Variants in ABCC2 observed in about 807,000 individuals in gnomAD.
The protein encoded by ABCC2 is ATP-binding cassette sub-family C member 2.
Under a neutral mutation model 173.4 loss-of-function variants are expected in ABCC2, and 157 were observed. The ratio of observed to expected loss-of-function variants is 0.91; its 90% confidence interval spans 0.80 to 1.03. The LOEUF is 1.03. Among genes scored for constraint, ABCC2 ranks in the 50% least tolerant of loss-of-function variants. The pLI, the probability that ABCC2 is intolerant of heterozygous loss-of-function variation, is 0.00. For synonymous variants in ABCC2, 657 were observed against 693.5 expected, an observed-to-expected ratio of 0.95 and a Z score of 0.83; for missense variants, 1,822 against 1,852.3, an observed-to-expected ratio of 0.98 and a Z score of 0.30.
At chr10:99,822,320 T>G (rs1469564532) in intron 19 of ABCC2, among the ~76,000 whole-genome samples, 2 of 151,840 alleles carry the variant, frequency 1.3e-5, no homozygotes, top group African/African-American at 4.9e-5. Flanking sequence ...GTCAGCTTCT[T>G]TAGTTGTGCC....
At chr10:99,790,198 TG>T (rs1377336049) in intron 2 of ABCC2, among the ~76,000 whole-genome samples, 1 of 152,222 alleles carries the variant, frequency 6.6e-6, no homozygotes, top group Non-Finnish European at 1.5e-5. Flanking sequence ...AGGCTTTCCT[TG>T]GTCTCATCAA....
At chr10:99,847,947 TTTG>T (rs2039041722) in intron 30 of ABCC2, among the ~76,000 whole-genome samples, 1 of 151,190 alleles carries the variant, frequency 6.6e-6, no homozygotes, top group Non-Finnish European at 1.5e-5. Context: ...ACAAAAAACC[TTTG>T]TTATTAAGTG....
chr10:99,792,324 C>T lies in ABCC2; in HGVS notation c.298C>T (p.Arg100Ter), dbSNP rs529588584. The T allele has an allele frequency of 2.7e-5, 44 of 1,614,072 alleles. No homozygotes were observed. The highest frequency in any genetic ancestry group is 2.7e-4 in the East Asian group (12 of 44,878). ...DSGQATVPAV[R>*]YTNPSLYLGT... ...TGGACAAGCCACAGTCCCTGCTGTT[C>T]GATATACCAATCCAAGCCTCTACCT... is the stretch of plus-strand genomic sequence containing the variant. The change falls in exon 3 of 32, where the codon CGA (arginine) becomes TGA (stop). Residue 100 changes from arginine (R) to a stop codon, truncating the protein, a stop_gained. Transcript: ENST00000647814. LOFTEE classifies it high-confidence loss of function.
Position 99,832,150 on chromosome 10 carries a change from G to C in ABCC2, c.3258+19G>C, listed in dbSNP as rs761032625. The C allele has an allele frequency of 1.9e-6, 3 of 1,614,112 alleles. No individual in the cohort carries two copies. The highest frequency in any genetic ancestry group is 3.3e-5 in the Admixed American group (2 of 60,020). On this transcript the variant is annotated intron_variant, in intron 23 of 31. Transcript: ENST00000647814. Reference sequence around the variant, plus strand: ...TGCCGGCGTAAGTATCTCAAGAACTGTCAGGTGGTGTGTTTATATACTGAG... The same window carrying C: ...TGCCGGCGTAAGTATCTCAAGAACTCTCAGGTGGTGTGTTTATATACTGAG...
At chr10:99,814,279 ATG>A (rs1191240307) in intron 16 of ABCC2, among the ~76,000 whole-genome samples, 3 of 72,440 alleles carry the variant, frequency 4.1e-5, no homozygotes, top group African/African-American at 2.2e-4. Flanking sequence ...ATACACACGT[ATG>A]TATACACACA....
intron 31 of ABCC2, 35 bp downstream of exon 31, chr10:99,850,831 C>A (rs1364002730): frequency 6.2e-7 from 1 of 1,611,234 alleles, no homozygotes; most frequent in African/African-American, 1.3e-5. Context: ...ACACGGATGG[C>A]TTAACCCTTG....
intron 2 of ABCC2, chr10:99,789,393 A>T (rs2037773445): frequency 6.6e-6 from 1 of 152,166 alleles, no homozygotes; most frequent in Non-Finnish European, 1.5e-5. Context: ...TTTGGAGACA[A>T]GCTGGACTCA....
intron 20 of ABCC2, 69 bp from the exon 21 acceptor site, chr10:99,830,647 C>G: frequency 6.2e-7 from 1 of 1,609,138 alleles, no homozygotes; most frequent in Non-Finnish European, 8.5e-7. Context: ...AGCTGAGTGA[C>G]TGTGACATCT....
At chr10:99,794,687 G>A (rs1329096571) in intron 6 of ABCC2, 3 of 511,854 alleles carry the variant, frequency 5.9e-6, no homozygotes, top group Non-Finnish European at 1.1e-5. Context: ...TGGGATTACA[G>A]GTGTGAGCTA....
rs1462147865 is a variant in ABCC2 at position 99,814,604 on chromosome 10, T to C, written c.2094+1460T>C. On this transcript the variant is annotated intron_variant, in intron 16 of 31. Coordinates refer to ENST00000647814, the MANE Select transcript of ABCC2 (RefSeq NM_000392.5). ...GTGTATATACACATATACACACACA[T>C]ATGTGTATATACACATATACACACA... Among the ~76,000 whole-genome samples, 9 of 102,862 alleles carry C rather than the reference T, an allele frequency of 8.7e-5. 2 individuals carry two copies. The highest frequency in any genetic ancestry group is 1.9e-4 in the Non-Finnish European group (9 of 47,686). The allele number at this position is 102,862 out of a possible 152,430, so 67.5% of individuals were successfully genotyped here.
chr10:99,812,172 T>G (rs1037682664), intron 15 of ABCC2, among the ~76,000 whole-genome samples: 1 of 152,216 alleles, frequency 6.6e-6, no homozygotes, highest in Non-Finnish European at 1.5e-5. Flanking sequence ...ACTATACTCC[T>G]GACTTCCCAC....
chr10:99,817,195 C>A, intron 16 of ABCC2, 113 bp from the exon 17 acceptor site: 1 of 918,348 alleles, frequency 1.1e-6, no homozygotes, highest in Non-Finnish European at 1.7e-6. Flanking sequence ...TCCTGATGCA[C>A]AGTTATTTAA....
At chr10:99,850,476 A>G in intron 30 of ABCC2, 126 bp from the exon 31 acceptor site, 1 of 974,404 alleles carries the variant, frequency 1.0e-6, no homozygotes, top group Non-Finnish European at 1.6e-6. Flanking sequence ...AGAGGCCCAA[A>G]CATTCCAGGG....
At chr10:99,811,438 A>T in intron 14 of ABCC2, 98 bp from the exon 15 acceptor site, 1 of 1,238,802 alleles carries the variant, frequency 8.1e-7, no homozygotes, top group Non-Finnish European at 1.2e-6. Context: ...TAGCAGAAAC[A>T]ATCCTAGGAG....
At chr10:99,850,455 C>T in intron 30 of ABCC2, 147 bp from the exon 31 acceptor site, 1 of 758,652 alleles carries the variant, frequency 1.3e-6, no homozygotes, top group Non-Finnish European at 2.3e-6. Flanking sequence ...CAGCAAGGTA[C>T]AGCTAGTTGA....
At chr10:99,823,566 G>A (rs1046554159) in intron 19 of ABCC2, among the ~76,000 whole-genome samples, 16 of 148,008 alleles carry the variant, frequency 1.1e-4, no homozygotes, top group Non-Finnish European at 1.5e-5. Context: ...AACCAACTCT[G>A]CTCTTTGAGC....
intron 21 of ABCC2, 111 bp from the exon 22 acceptor site, chr10:99,831,500 G>A (rs1012530134): frequency 2.5e-5 from 27 of 1,067,982 alleles, no homozygotes; most frequent in Non-Finnish European, 3.8e-5. Context: ...TTTGCTACCT[G>A]CTACCCATGC....
At position 99,799,669 on chromosome 10, in the gene ABCC2, G is replaced by A. The variant is rs539610165; in HGVS notation, c.1031+299G>A. ...AAGGGCTGAGCCAGATCCAAGTGGCGGGTAGCATACCCCTGGAGAGTAACT... is the reference window on the plus strand; with the variant it reads ...AAGGGCTGAGCCAGATCCAAGTGGCAGGTAGCATACCCCTGGAGAGTAACT... On this transcript the variant is annotated intron_variant, in intron 8 of 31. Coordinates refer to ENST00000647814, the MANE Select transcript of ABCC2 (RefSeq NM_000392.5). Among the ~76,000 whole-genome samples, 128 of 152,196 alleles carry A rather than the reference G, an allele frequency of 8.4e-4. 2 individuals are homozygous for A. The highest frequency in any genetic ancestry group is 1.2e-3 in the East Asian group (6 of 5,190).
In ABCC2 at chr10:99,844,600, G is replaced by A. The variant is rs1055287524; in HGVS notation, c.3987+135G>A. The A allele has an allele frequency of 5.3e-6, 6 of 1,129,762 alleles. No homozygotes were observed. The African/African-American group carries it at 6.1e-5, about 11-fold the overall frequency. The allele number at this position is 1,129,762 out of a possible 1,614,324, so 70.0% of individuals were successfully genotyped here. ...GGGTCAGGGCACTTCCTCTGCCCTGGGGAGGTGTGGGGACACAGTATCAGA... is the reference window on the plus strand; with the variant it reads ...GGGTCAGGGCACTTCCTCTGCCCTGAGGAGGTGTGGGGACACAGTATCAGA... On this transcript the variant is annotated intron_variant, in intron 28 of 31. Transcript: ENST00000647814.
Sources: gnomAD v4.1 joint callset for allele counts (sites outside exome capture counted in the v4.1 genomes callset) on GRCh38, gnomAD v4.1.1 for gene constraint, MANE v1.5 for transcripts, NCBI Gene and HGNC (gene_info 2026-07-23, HGNC 2026-07-21) for gene names.